The following GLB1L2 variants were observed in gnomAD, a reference collection of about 807,000 sequenced individuals.
GLB1L2 encodes galactosidase beta 1 like 2.
Under a neutral mutation model 84.1 loss-of-function variants are expected in GLB1L2, and 68 were observed. That is an observed-to-expected ratio of 0.81 (90% confidence interval 0.67 to 0.99). The LOEUF is 0.99. Ranked by LOEUF, GLB1L2 falls within the 50% of genes least tolerant of loss-of-function variation. The pLI is 0.00. For missense variants in GLB1L2, 762 were observed against 805.6 expected, an observed-to-expected ratio of 0.95 and a Z score of 0.66; for synonymous variants, 290 against 318.0, an observed-to-expected ratio of 0.91 and a Z score of 0.94.
At chr11:134,366,378 A>C (rs1943867667) in intron 8 of GLB1L2, among the ~76,000 whole-genome samples, 1 of 152,156 alleles carries the variant, frequency 6.6e-6, no homozygotes, top group South Asian at 2.1e-4. Context: ...ATGGACCGTG[A>C]GTTTGTCCCA....
intron 5 of GLB1L2, 132 bp from the exon 6 acceptor site, chr11:134,356,169 A>G (rs913793252): frequency 2.6e-6 from 2 of 764,660 alleles, no homozygotes; most frequent in Non-Finnish European, 4.7e-6. Flanking sequence ...CCACTGTCTT[A>G]TTGATACTAA....
intron 6 of GLB1L2, 53 bp from the exon 7 acceptor site, chr11:134,359,007 C>A: frequency 7.5e-7 from 1 of 1,327,866 alleles, no homozygotes; most frequent in Non-Finnish European, 1.0e-6. Flanking sequence ...TGTGTCACTG[C>A]AGAAGCTCTA....
chr11:134,364,725 T>G (rs1591622248), intron 8 of GLB1L2: 1 of 306,638 alleles, frequency 3.3e-6, no homozygotes, highest in East Asian at 6.3e-5. Flanking sequence ...AGGAAAAACT[T>G]CCCTGTCCTA....
At chr11:134,358,333 C>T (rs1943734458) in intron 6 of GLB1L2, among the ~76,000 whole-genome samples, 1 of 152,246 alleles carries the variant, frequency 6.6e-6, no homozygotes, top group South Asian at 2.1e-4. Context: ...CTCCGAGGCG[C>T]GTCTCTACTG....
At chr11:134,344,332 A>G in intron 2 of GLB1L2, 55 bp from the exon 3 acceptor site, 2 of 1,594,886 alleles carry the variant, frequency 1.3e-6, no homozygotes, top group Non-Finnish European at 1.7e-6. Context: ...GTAATGTGAG[A>G]GGTGAAATGG....
intron 4 of GLB1L2, 119 bp from the exon 5 acceptor site, chr11:134,347,206 G>C: frequency 2.6e-6 from 2 of 776,430 alleles, no homozygotes; most frequent in South Asian, 3.0e-5. Context: ...TGGGGTGGAG[G>C]AGGGCACAGG....
intron 4 of GLB1L2, among the ~76,000 whole-genome samples, chr11:134,345,759 G>A (rs569052785): frequency 2.6e-5 from 4 of 152,304 alleles, no homozygotes; most frequent in Non-Finnish European, 4.4e-5. Flanking sequence ...ATGAGCCACC[G>A]CGCCCGGCCT....
At chr11:134,357,984 A>G (rs1018919361) in intron 6 of GLB1L2, among the ~76,000 whole-genome samples, 2 of 152,176 alleles carry the variant, frequency 1.3e-5, no homozygotes, top group Admixed American at 1.3e-4. Flanking sequence ...GAGGTGGTAG[A>G]TACAGGACTC....
intron 7 of GLB1L2, among the ~76,000 whole-genome samples, chr11:134,363,441 T>C (rs139935904): frequency 6.6e-6 from 1 of 152,190 alleles, no homozygotes; most frequent in Non-Finnish European, 1.5e-5. Flanking sequence ...GAACTGACTG[T>C]TAGGCAGATA....
chr11:134,353,853 C>A (rs527261961), intron 5 of GLB1L2, among the ~76,000 whole-genome samples: 5 of 152,210 alleles, frequency 3.3e-5, no homozygotes, highest in African/African-American at 1.2e-4. Flanking sequence ...GCAAAGCCAC[C>A]CCTCCTCTTT....
In GLB1L2 at chr11:134,375,012, A is replaced by C; in HGVS notation, c.1865A>C (p.Gln622Pro). ...FEETMAGPALQFTETPHLGRN... is the reference protein window; with the variant it reads ...FEETMAGPALPFTETPHLGRN... ...GAGACGATGGCGGGCCCTGCATTACAGTTCACGGAAACCCCCCACCTGGGC... is the reference window on the plus strand; with the variant it reads ...GAGACGATGGCGGGCCCTGCATTACCGTTCACGGAAACCCCCCACCTGGGC... Residue 622 changes from glutamine to proline, a missense_variant, in exon 19 of 19, where the codon CAG (glutamine) becomes CCG (proline). Gln to Pro is a moderately conservative substitution (Grantham distance 76). Coordinates refer to ENST00000535456, the MANE Select transcript of GLB1L2 (RefSeq NM_001370461.1). 6.2e-7 allele frequency: 1 copy of C among 1,613,860 alleles called. No homozygotes were observed. Among genetic ancestry groups the C allele is most frequent in the Non-Finnish European group, 8.5e-7 (1 of 1,179,970 alleles).
chr11:134,367,118 C>T, intron 8 of GLB1L2, 139 bp from the exon 9 acceptor site: 1 of 790,334 alleles, frequency 1.3e-6, no homozygotes. Flanking sequence ...TGCCCCACCT[C>T]CAAAGACCTC....
chr11:134,340,135 C>T (rs781244283), intron 1 of GLB1L2, among the ~76,000 whole-genome samples: 2 of 152,136 alleles, frequency 1.3e-5, no homozygotes, highest in African/African-American at 2.4e-5. Flanking sequence ...CTCTCGCACC[C>T]ATAAGTAGAT....
chr11:134,370,439 C>T lies in GLB1L2; in HGVS notation c.1215+40C>T, dbSNP rs935689520. 1.1e-5 allele frequency: 16 copies of T among 1,501,250 alleles called. No individual in the cohort carries two copies. Among genetic ancestry groups the T allele is most frequent in the Middle Eastern group, 1.7e-4 (1 of 5,810 alleles). 93.0% of individuals were successfully genotyped at this position (1,501,250 alleles called of 1,614,324 possible). On this transcript the variant is annotated intron_variant, in intron 12 of 18. Coordinates refer to ENST00000535456, the MANE Select transcript of GLB1L2 (RefSeq NM_001370461.1). The surrounding 1 kb of genome is among the most constrained non-coding windows in gnomAD (Gnocchi z 4.7). ...CAGTCATCGGGAGGTGAGTGAGTGC[C>T]GGGGGCAGTCGTTGGCAGGGAGGTG... is the stretch of plus-strand genomic sequence containing the variant.
chr11:134,356,438 G>C (rs1399523396), intron 6 of GLB1L2, 45 bp downstream of exon 6: 1 of 1,377,978 alleles, frequency 7.3e-7, no homozygotes, highest in Non-Finnish European at 1.0e-6. Flanking sequence ...TTCCTCTGGA[G>C]TGTGCTATAG....
At chr11:134,340,446 C>T (rs1280696342) in intron 1 of GLB1L2, among the ~76,000 whole-genome samples, 1 of 152,154 alleles carries the variant, frequency 6.6e-6, no homozygotes, top group African/African-American at 2.4e-5. Flanking sequence ...TGTGTTGCGG[C>T]GGGCAGGTGA....
At chr11:134,355,363 G>A (rs775804520) in intron 5 of GLB1L2, among the ~76,000 whole-genome samples, 3 of 152,118 alleles carry the variant, frequency 2.0e-5, no homozygotes, top group Non-Finnish European at 4.4e-5. Flanking sequence ...TTCCTTTGAT[G>A]AGTCATACTT....
chr11:134,344,912 G>T (rs1943528469), intron 3 of GLB1L2, 122 bp from the exon 4 acceptor site: 2 of 1,171,172 alleles, frequency 1.7e-6, no homozygotes, highest in East Asian at 5.2e-5. Flanking sequence ...CGCGCTTTGG[G>T]GGTGGGGCCG....
chr11:134,370,000 G>A (rs775449929), intron 11 of GLB1L2, 115 bp downstream of exon 11: 120 of 843,230 alleles, frequency 1.4e-4, no homozygotes, highest in Non-Finnish European at 2.0e-4. Context: ...CTGCGTGCAA[G>A]AATATCCTAG....
Sources: gnomAD v4.1 joint callset for allele counts (sites outside exome capture counted in the v4.1 genomes callset) on GRCh38, gnomAD v4.1.1 for gene constraint, Gnocchi (gnomAD v3.1) non-coding constraint, MANE v1.5 for transcripts, NCBI Gene and HGNC (gene_info 2026-07-23, HGNC 2026-07-21) for gene names.